Variants in NAV1 observed in about 807,000 individuals in gnomAD.
The protein encoded by NAV1 is pore membrane and/or filament interacting like protein 3.
In NAV1, 18 loss-of-function variants were observed where a neutral mutation model predicts 175.2. The ratio of observed to expected loss-of-function variants is 0.10; its 90% CI spans 0.07 to 0.15. The LOEUF (loss-of-function observed/expected upper bound fraction) is 0.15. NAV1 is among the 10% of genes least tolerant of loss of function. The pLI, the probability that NAV1 is intolerant of heterozygous loss-of-function variation, is 1.00. For missense variants in NAV1, 1,731 were observed against 2,436.6 expected, an observed-to-expected ratio of 0.71 and a Z score of 6.10; for synonymous variants, 897 against 978.7, an observed-to-expected ratio of 0.92 and a Z score of 1.56.
At position 201,780,092 on chromosome 1, in the gene NAV1, G is replaced by A. The variant is rs190405419; in HGVS notation, c.1227-329G>A. 2.0e-4 allele frequency among the ~76,000 whole-genome samples: 31 copies of A among 152,334 alleles called. No homozygotes were observed. In the East Asian group the frequency reaches 5.4e-3, roughly 27 times the overall value. Reference sequence around the variant, plus strand: ...TATGTTAATTTTAAGAATGGAGGTTGTTTACAGGGAGAGTAAATTGGTTTG... The same window carrying A: ...TATGTTAATTTTAAGAATGGAGGTTATTTACAGGGAGAGTAAATTGGTTTG... On this transcript the variant is annotated intron_variant, in intron 3 of 29. Coordinates refer to ENST00000367296, the Ensembl canonical transcript of NAV1.
intron 1 of NAV1, among the ~76,000 whole-genome samples, chr1:201,677,369 G>A (rs1355514643): frequency 2.0e-5 from 3 of 151,662 alleles, no homozygotes; most frequent in African/African-American, 7.3e-5. Context: ...CCACTATGTT[G>A]TGATCCCTGC....
At chr1:201,748,755 A>G (rs1490552059) in intron 3 of NAV1, among the ~76,000 whole-genome samples, 1 of 152,158 alleles carries the variant, frequency 6.6e-6, no homozygotes, top group Non-Finnish European at 1.5e-5. Context: ...GAGCCCCCTA[A>G]AGAAGTTGGG....
At chr1:201,543,333 A>T (rs1216658595) in intron 1 of NAV1, among the ~76,000 whole-genome samples, 1 of 144,882 alleles carries the variant, frequency 6.9e-6, no homozygotes, top group African/African-American at 2.5e-5. Flanking sequence ...ATTTTTTTTT[A>T]ATCACAAAGG....
chr1:201,596,110 C>G (rs542864497), intron 2 of NAV1, among the ~76,000 whole-genome samples: 1 of 152,342 alleles, frequency 6.6e-6, no homozygotes, highest in South Asian at 2.1e-4. Flanking sequence ...AAAATGATAA[C>G]AACAACATTA....
At chr1:201,747,559 C>T (rs907727071) in intron 3 of NAV1, among the ~76,000 whole-genome samples, 2 of 152,126 alleles carry the variant, frequency 1.3e-5, no homozygotes, top group Admixed American at 6.5e-5. Flanking sequence ...GAGGGTGTTC[C>T]AGGGTACACA....
intron 1 of NAV1, among the ~76,000 whole-genome samples, chr1:201,567,322 G>A (rs1391415334): frequency 2.0e-5 from 3 of 152,202 alleles, no homozygotes; most frequent in African/African-American, 4.8e-5. Flanking sequence ...CCACAGGTAC[G>A]AGGGCATTGG....
intron 3 of NAV1, among the ~76,000 whole-genome samples, chr1:201,743,240 G>A (rs116699588): frequency 6.6e-6 from 1 of 152,274 alleles, no homozygotes; most frequent in Non-Finnish European, 1.5e-5. Context: ...TACCAGTTGA[G>A]GCCCCAGGAG....
chr1:201,651,893 G>T (rs1407834265), intron 1 of NAV1, among the ~76,000 whole-genome samples: 1 of 152,084 alleles, frequency 6.6e-6, no homozygotes, highest in Non-Finnish European at 1.5e-5. Flanking sequence ...CTGTAGCAAG[G>T]CAGAGCCTGG....
exon 23 of NAV1, chr1:201,809,953 T>C: frequency 6.2e-7 from 1 of 1,612,590 alleles, no homozygotes; most frequent in Non-Finnish European, 8.5e-7. Flanking sequence ...CAGGACTATA[T>C]TTCTAAAATG....
chr1:201,806,300 C>T (rs1678275456), intron 17 of NAV1, among the ~76,000 whole-genome samples: 1 of 152,158 alleles, frequency 6.6e-6, no homozygotes. Context: ...ACTGCATTTT[C>T]TACATCTGCA....
chr1:201,610,729 G>A (rs1344397198), intron 2 of NAV1, among the ~76,000 whole-genome samples: 1 of 152,172 alleles, frequency 6.6e-6, no homozygotes, highest in African/African-American at 2.4e-5. Context: ...CTCTCCTGGG[G>A]AATGGCTGGG....
intron 3 of NAV1, chr1:201,739,617 C>A: frequency 4.7e-6 from 1 of 211,006 alleles, no homozygotes; most frequent in Non-Finnish European, 8.5e-6. Context: ...GGGACCACAG[C>A]TGGCATCCCA....
At chr1:201,801,965 G>C (rs975337857) in intron 15 of NAV1, among the ~76,000 whole-genome samples, 44 of 151,084 alleles carry the variant, frequency 2.9e-4, no homozygotes, top group Admixed American at 1.4e-3. Context: ...GCGAAACCCC[G>C]TCTCTACTAA....
chr1:201,731,511 T>C (rs2102523608), intron 3 of NAV1, among the ~76,000 whole-genome samples: 1 of 152,214 alleles, frequency 6.6e-6, no homozygotes, highest in South Asian at 2.1e-4. Context: ...TTTGGCCAGC[T>C]CCTACTAAAA....
chr1:201,808,532 G>A lies in NAV1; in HGVS notation c.3960G>A (p.Lys1320=). The A allele has an allele frequency of 6.2e-7, 1 of 1,614,244 alleles. No individual in the cohort carries two copies. The highest frequency in any genetic ancestry group is 8.5e-7 in the Non-Finnish European group (1 of 1,180,046). ...CTGAGCTATGGGAGAAGGAAATGAA[G>A]CTTACAGACATCCGCTTGGAGGCCC... The change falls in exon 19 of 30, where the codon AAG becomes AAA. Residue 1320 remains lysine, a synonymous_variant. Coordinates refer to ENST00000367296, the Ensembl canonical transcript of NAV1. The surrounding 1 kb of genome is among the most constrained non-coding windows in gnomAD (Gnocchi z 5.5).
rs538485024 is a variant in NAV1 at position 201,787,001 on chromosome 1, C to T, written c.2995+424C>T. ...GGGAAAGGTTGTTGATTGCCAAGGA[C>T]GAGATCTGCCTCCAAACTCAGCCAA... On this transcript the variant is annotated intron_variant, in intron 9 of 29. Transcript: ENST00000367296. This position sits in a 1 kb window ranked among gnomAD's most constrained non-coding sequence, Gnocchi z 4.3. Among the ~76,000 whole-genome samples, 3 of 152,314 alleles carry T rather than the reference C, an allele frequency of 2.0e-5. No homozygotes were observed. Among genetic ancestry groups the T allele is most frequent in the South Asian group, 4.1e-4 (2 of 4,822 alleles).
chr1:201,565,497 G>T (rs936464473), intron 1 of NAV1, among the ~76,000 whole-genome samples: 17 of 152,326 alleles, frequency 1.1e-4, no homozygotes, highest in East Asian at 3.9e-4. Flanking sequence ...CCAGCAGCGG[G>T]CATGGGGCCC....
At chr1:201,739,767 A>C in intron 3 of NAV1, 1 of 1,208,266 alleles carries the variant, frequency 8.3e-7, no homozygotes, top group Non-Finnish European at 1.0e-6. Context: ...GCCCGCTCGC[A>C]GCCTGCATCG....
chr1:201,756,872 CTT>C lies in NAV1; in HGVS notation c.1227-23547_1227-23546del, dbSNP rs1241749888. Among the ~76,000 whole-genome samples the C allele has an allele frequency of 1.8e-3, 221 of 119,926 alleles. 3 individuals carry two copies. The highest frequency in any genetic ancestry group is 7.4e-3 in the African/African-American group (214 of 28,988). The allele number at this position is 119,926 out of a possible 152,430, so 78.7% of individuals were successfully genotyped here. A position where few individuals can be genotyped will look rare whatever the true frequency, so the allele number is the denominator to read the frequency against. On this transcript the variant is annotated intron_variant, in intron 3 of 29. Coordinates refer to ENST00000367296, the Ensembl canonical transcript of NAV1. Reference sequence around the variant, plus strand: ...TCTTTCTTTCTTTCTTTCTTTCTTTCTTTCTTTCTTTCTCTGTCTTTCTCCCC... The same window carrying C: ...TCTTTCTTTCTTTCTTTCTTTCTTTCTCTTTCTTTCTCTGTCTTTCTCCCC...
Sources: gnomAD v4.1 joint callset for allele counts (sites outside exome capture counted in the v4.1 genomes callset) on GRCh38, gnomAD v4.1.1 for gene constraint, Gnocchi (gnomAD v3.1) non-coding constraint, MANE v1.5 for transcripts, NCBI Gene and HGNC (gene_info 2026-07-23, HGNC 2026-07-21) for gene names.